The following SPTLC1 variants were observed in gnomAD, a reference collection of about 807,000 sequenced individuals.
SPTLC1 encodes the protein serine palmitoyltransferase 1.
A neutral mutation model predicts 68.9 loss-of-function variants in SPTLC1; 55 were observed. The ratio of observed to expected loss-of-function variants is 0.80; its 90% confidence interval spans 0.64 to 1.00. The LOEUF (loss-of-function observed/expected upper bound fraction) is 1.00. Ranked by LOEUF, SPTLC1 falls within the 50% of genes least tolerant of loss-of-function variation. The probability of loss-of-function intolerance (pLI) is 0.00; values close to 1 mark genes in which losing one functional copy is unlikely to be tolerated. For synonymous variants in SPTLC1, 197 were observed against 201.6 expected, an observed-to-expected ratio of 0.98 and a Z score of 0.19; for missense variants, 449 against 573.1, an observed-to-expected ratio of 0.78 and a Z score of 2.21.
intron 12 of SPTLC1, among the ~76,000 whole-genome samples, chr9:92,042,335 T>C (rs1240501063): frequency 6.6e-6 from 1 of 152,206 alleles, no homozygotes; most frequent in Admixed American, 6.5e-5. Context: ...GAGAACACCA[T>C]TATTGCAGAT....
chr9:92,032,936 G>C (rs908819824), intron 14 of SPTLC1, among the ~76,000 whole-genome samples: 1 of 151,888 alleles, frequency 6.6e-6, no homozygotes, highest in Non-Finnish European at 1.5e-5. Context: ...GTGAGGTGAG[G>C]AACTGCACTC....
intron 7 of SPTLC1, among the ~76,000 whole-genome samples, chr9:92,058,665 G>A (rs924417126): frequency 6.6e-6 from 1 of 152,186 alleles, no homozygotes; most frequent in Non-Finnish European, 1.5e-5. Flanking sequence ...CATGTTAGGG[G>A]CAGTCATTTC....
At chr9:92,047,300 T>C in intron 10 of SPTLC1, 32 bp from the exon 11 acceptor site, 1 of 1,560,004 alleles carries the variant, frequency 6.4e-7, no homozygotes, top group Non-Finnish European at 8.8e-7. Flanking sequence ...CATATACACA[T>C]TCTCTGTCCT....
intron 13 of SPTLC1, among the ~76,000 whole-genome samples, chr9:92,037,799 G>A (rs1490230081): frequency 6.6e-6 from 1 of 152,144 alleles, no homozygotes; most frequent in Non-Finnish European, 1.5e-5. Context: ...TGACTTCAGG[G>A]TGACTGTGAG....
chr9:92,047,268 G>A lies in SPTLC1; in HGVS notation c.985C>T (p.Arg329Ter), dbSNP rs1215612827. 2.5e-5 allele frequency: 40 copies of A among 1,613,406 alleles called. No homozygotes were observed. The highest frequency in any genetic ancestry group is 3.1e-5 in the Non-Finnish European group (37 of 1,179,506). Residue 329 changes from arginine (R) to a stop codon, truncating the protein, a stop_gained and splice_region_variant, in exon 11 of 15, where the codon CGA (arginine) becomes TGA (stop). Transcript: ENST00000262554. LOFTEE classifies it high-confidence loss of function. ...AAGCAGTATCCCTGGCCGGAAAGTC[G>A]CTGAGAAGAAACAAATGAAGACATA... ...CGRSFVIDHQ[R>*]LSGQGYCFSA...
At chr9:92,039,416 C>CTAT (rs57709426) in intron 12 of SPTLC1, among the ~76,000 whole-genome samples, 16,296 of 151,508 alleles carry the variant, frequency 0.11, 1,851 homozygotes, top group African/African-American at 0.3. Flanking sequence ...TGTCATACTA[C>CTAT]TATTATTATT....
chr9:92,094,902 G>T (rs1215835497), intron 3 of SPTLC1, among the ~76,000 whole-genome samples: 1 of 152,122 alleles, frequency 6.6e-6, no homozygotes, highest in African/African-American at 2.4e-5. Flanking sequence ...CATAAGCAAT[G>T]ACAACCATGT....
intron 4 of SPTLC1, among the ~76,000 whole-genome samples, 180 bp from the exon 5 acceptor site, chr9:92,080,268 C>T (rs979417020): frequency 1.3e-5 from 2 of 152,176 alleles, no homozygotes; most frequent in Non-Finnish European, 2.9e-5. Context: ...TTATACTAGC[C>T]TGATTCTCAA....
Position 92,105,246 on chromosome 9 carries a change from G to A in SPTLC1, c.260+3494C>T. The A allele has an allele frequency of 2.0e-6, 3 of 1,534,362 alleles. No homozygotes were observed. In the South Asian group the frequency reaches 3.6e-5, roughly 18 times the overall value. On this transcript the variant is annotated intron_variant, in intron 3 of 14. Transcript: ENST00000262554. ...CAACTGAGGTGGGAGAGAGATGAGG[G>A]GCCCCCACCGGCTAAGCTTCCATGT... is the stretch of plus-strand genomic sequence containing the variant.
At chr9:92,101,900 C>T (rs1835768685) in intron 3 of SPTLC1, among the ~76,000 whole-genome samples, 1 of 151,792 alleles carries the variant, frequency 6.6e-6, no homozygotes, top group African/African-American at 2.4e-5. Context: ...GAAAATCTCC[C>T]AATTCTTGGG....
chr9:92,081,503 G>A (rs966403800), intron 3 of SPTLC1, among the ~76,000 whole-genome samples: 2 of 152,162 alleles, frequency 1.3e-5, no homozygotes, highest in Non-Finnish European at 1.5e-5. Context: ...CCTGGGGAGC[G>A]GGGAGAATGT....
intron 3 of SPTLC1, among the ~76,000 whole-genome samples, chr9:92,094,402 A>C (rs765818077): frequency 6.6e-6 from 1 of 152,250 alleles, no homozygotes; most frequent in Non-Finnish European, 1.5e-5. Context: ...TCTTAGACCC[A>C]GATTTTTGTT....
intron 5 of SPTLC1, among the ~76,000 whole-genome samples, chr9:92,071,440 T>A (rs112348319): frequency 1.3e-3 from 205 of 152,248 alleles, no homozygotes; most frequent in African/African-American, 4.7e-3. Flanking sequence ...CCTAGAGACA[T>A]GCACAATTTT....
intron 3 of SPTLC1, among the ~76,000 whole-genome samples, chr9:92,096,467 T>G (rs1230082687): frequency 6.6e-6 from 1 of 152,168 alleles, no homozygotes; most frequent in African/African-American, 2.4e-5. Context: ...TCAGTAAAAC[T>G]GAAGAAAAAG....
chr9:92,082,809 C>T lies in SPTLC1; in HGVS notation c.261-1846G>A, dbSNP rs879708651. On this transcript the variant is annotated intron_variant, in intron 3 of 14. Transcript: ENST00000262554. ...TTCTAGTTCTAGATCCCTGAGGAAT[C>T]GCCACACTGACTTCCACAATGGTTG... Among the ~76,000 whole-genome samples, 831 of 150,318 alleles carry T rather than the reference C, an allele frequency of 5.5e-3. 6 individuals carry two copies. The highest frequency in any genetic ancestry group is 7.8e-3 in the Non-Finnish European group (522 of 67,352).
At chr9:92,076,815 C>A (rs1834698392) in intron 5 of SPTLC1, 1 of 152,190 alleles carries the variant, frequency 6.6e-6, no homozygotes, top group Non-Finnish European at 1.5e-5. Context: ...TTTGGGTCGA[C>A]ACCTTCATCA....
intron 5 of SPTLC1, among the ~76,000 whole-genome samples, chr9:92,073,800 C>T (rs1834580803): frequency 6.6e-6 from 1 of 152,208 alleles, no homozygotes. Flanking sequence ...AAATGCTTGC[C>T]TCCACCTTAA....
chr9:92,082,756 G>C (rs1244311425), intron 3 of SPTLC1, among the ~76,000 whole-genome samples: 28 of 151,982 alleles, frequency 1.8e-4, no homozygotes, highest in African/African-American at 6.3e-4. Context: ...TATATACCCA[G>C]TAATGGGATG....
rs539685268 is a variant in SPTLC1, at chr9:92,074,098, G to A, written c.427+5918C>T. On this transcript the variant is annotated intron_variant, in intron 5 of 14. Transcript: ENST00000262554. ...TGGCGGCTGAAGACTGACGTTGCCC[G>A]AATATCTCGGAGGCCCCCTGGACCA... Among the ~76,000 whole-genome samples the A allele has an allele frequency of 1.5e-3, 233 of 152,138 alleles. 2 individuals are homozygous for A. The highest frequency in any genetic ancestry group is 2.2e-3 in the Non-Finnish European group (151 of 67,982).
Sources: gnomAD v4.1 joint callset for allele counts (sites outside exome capture counted in the v4.1 genomes callset) on GRCh38, gnomAD v4.1.1 for gene constraint, MANE v1.5 for transcripts, NCBI Gene and HGNC (gene_info 2026-07-23, HGNC 2026-07-21) for gene names.